Variants in AGBL4 observed in about 807,000 individuals in gnomAD.
AGBL4 encodes AGBL carboxypeptidase 4.
In AGBL4, 58 loss-of-function variants were observed where a neutral mutation model predicts 66.4. The ratio of observed to expected loss-of-function variants is 0.87; its 90% confidence interval spans 0.71 to 1.09. The LOEUF (loss-of-function observed/expected upper bound fraction) is 1.09. Ranked by LOEUF, AGBL4 falls within the 50% of genes least tolerant of loss-of-function variation. The pLI is 0.00. For missense variants in AGBL4, 579 were observed against 631.0 expected, an observed-to-expected ratio of 0.92 and a Z score of 0.88; for synonymous variants, 234 against 222.9, an observed-to-expected ratio of 1.05 and a Z score of -0.44.
intron 4 of AGBL4, among the ~76,000 whole-genome samples, chr1:49,137,005 A>G (rs1646025118): frequency 6.6e-6 from 1 of 152,204 alleles, no homozygotes; most frequent in African/African-American, 2.4e-5. Context: ...AGTTCGTAAC[A>G]TAAGAAGCAG....
chr1:49,791,539 T>C (rs900763044), intron 2 of AGBL4, among the ~76,000 whole-genome samples: 4 of 152,092 alleles, frequency 2.6e-5, no homozygotes, highest in African/African-American at 9.7e-5. Flanking sequence ...CCCTTTACTA[T>C]GGTCTATGAG....
chr1:49,920,190 A>C (rs1338448685), intron 1 of AGBL4, among the ~76,000 whole-genome samples: 7 of 152,240 alleles, frequency 4.6e-5, no homozygotes, highest in African/African-American at 1.4e-4. Flanking sequence ...CAAGGACTTC[A>C]TGTCTAAAAC....
intron 5 of AGBL4, among the ~76,000 whole-genome samples, chr1:48,920,060 A>G (rs1653954144): frequency 1.3e-5 from 2 of 152,224 alleles, no homozygotes; most frequent in South Asian, 2.1e-4. Flanking sequence ...GTGGTAAAAA[A>G]GAAGGGGCAG....
At chr1:49,120,765 G>T (rs964963570) in intron 4 of AGBL4, among the ~76,000 whole-genome samples, 3 of 152,106 alleles carry the variant, frequency 2.0e-5, no homozygotes, top group African/African-American at 7.2e-5. Flanking sequence ...TTGCTAGGTT[G>T]GGGAAGTTCT....
chr1:49,260,450 A>G (rs889434190), intron 3 of AGBL4, among the ~76,000 whole-genome samples: 6 of 152,034 alleles, frequency 3.9e-5, no homozygotes, highest in African/African-American at 1.5e-4. Flanking sequence ...AATCAAATAG[A>G]CGCAATAAAA....
chr1:49,603,014 A>C (rs1410656205), intron 3 of AGBL4, among the ~76,000 whole-genome samples: 1 of 152,082 alleles, frequency 6.6e-6, no homozygotes, highest in African/African-American at 2.4e-5. Context: ...CCTTTTTATA[A>C]ATTAGGAATT....
intron 2 of AGBL4, among the ~76,000 whole-genome samples, chr1:49,814,878 T>A (rs930950054): frequency 6.6e-6 from 1 of 152,138 alleles, no homozygotes; most frequent in Non-Finnish European, 1.5e-5. Flanking sequence ...TTTTAATTTT[T>A]ATTTTTTGTG....
At chr1:49,742,535 G>C (rs1399028743) in intron 2 of AGBL4, among the ~76,000 whole-genome samples, 1 of 151,464 alleles carries the variant, frequency 6.6e-6, no homozygotes, top group African/African-American at 2.4e-5. Flanking sequence ...TTTCTTCACA[G>C]AATTGGAAAA....
In AGBL4 at chr1:48,684,016, G is replaced by C. The variant is rs573561483; in HGVS notation, c.635-20775C>G. Among the ~76,000 whole-genome samples the C allele has an allele frequency of 1.5e-4, 23 of 152,288 alleles. 1 individual carries two copies. The South Asian group carries it at 4.8e-3, about 32-fold the overall frequency. ...TGCCCAGAGAAACATTATTTCTCTG[G>C]CTCTGCAGGCATTCAGAATCTGGCT... On this transcript the variant is annotated intron_variant, in intron 6 of 13. Coordinates refer to ENST00000371839, the MANE Select transcript of AGBL4 (RefSeq NM_032785.4).
chr1:48,761,448 G>C, intron 6 of AGBL4: 2 of 1,551,016 alleles, frequency 1.3e-6, no homozygotes, highest in Non-Finnish European at 1.7e-6. Flanking sequence ...GCATCACACT[G>C]TTTTCAAGGT....
chr1:49,948,035 T>A (rs1557607927), intron 1 of AGBL4, among the ~76,000 whole-genome samples: 2 of 22,030 alleles, frequency 9.1e-5, no homozygotes, highest in African/African-American at 3.1e-4. Flanking sequence ...TAAATATATA[T>A]ACATATAAAT....
At chr1:49,042,124 A>AGTATATCAAGACTTGTATATATACCTTGT (rs1345273748) in intron 5 of AGBL4, among the ~76,000 whole-genome samples, 1 of 152,046 alleles carries the variant, frequency 6.6e-6, no homozygotes, top group African/African-American at 2.4e-5. Context: ...TACTTCTGGA[A>AGTATATCAAGACTTGTATATATACCTTGT]GTATATCAAG....
intron 11 of AGBL4, among the ~76,000 whole-genome samples, chr1:48,542,112 T>C (rs1644083051): frequency 1.3e-5 from 2 of 152,190 alleles, no homozygotes; most frequent in Admixed American, 1.3e-4. Context: ...TGTTCCTGTG[T>C]TAGTTTGCTG....
chr1:49,711,177 A>G (rs1394801285), intron 2 of AGBL4, among the ~76,000 whole-genome samples: 1 of 152,102 alleles, frequency 6.6e-6, no homozygotes, highest in African/African-American at 2.4e-5. Flanking sequence ...ACTTTGCAAA[A>G]CCATTTGATA....
chr1:49,008,830 G>C (rs954226666), intron 5 of AGBL4, among the ~76,000 whole-genome samples: 1 of 151,692 alleles, frequency 6.6e-6, no homozygotes, highest in Non-Finnish European at 1.5e-5. Flanking sequence ...TGAAACCAAC[G>C]AGAACAAAGA....
intron 2 of AGBL4, among the ~76,000 whole-genome samples, chr1:49,839,586 G>A (rs141967683): frequency 2.6e-5 from 4 of 152,266 alleles, no homozygotes; most frequent in East Asian, 1.9e-4. Flanking sequence ...CAGATTTTGA[G>A]GAATAATGTA....
intron 2 of AGBL4, chr1:49,845,365 T>C: frequency 7.1e-7 from 1 of 1,417,504 alleles, no homozygotes; most frequent in Admixed American, 1.7e-5. Flanking sequence ...CAGTTTTATG[T>C]CCTCCTTTAG....
At chr1:49,283,926 C>A (rs1440051465) in intron 3 of AGBL4, among the ~76,000 whole-genome samples, 2 of 149,384 alleles carry the variant, frequency 1.3e-5, no homozygotes, top group African/African-American at 2.5e-5. Context: ...GAGAATGGAA[C>A]CAAGTTGGAA....
chr1:49,131,961 C>T (rs891124831), intron 4 of AGBL4, among the ~76,000 whole-genome samples: 1 of 151,970 alleles, frequency 6.6e-6, no homozygotes, highest in Non-Finnish European at 1.5e-5. Flanking sequence ...TATCTAAAGA[C>T]AGAGAACCAG....
Sources: allele counts gnomAD v4.1 joint callset (sites outside exome capture counted in the v4.1 genomes callset), GRCh38; gene constraint gnomAD v4.1.1; transcripts MANE v1.5; gene names NCBI Gene and HGNC (gene_info 2026-07-23, HGNC 2026-07-21).